The following AGMO variants were observed in gnomAD, a reference collection of about 807,000 sequenced individuals.
AGMO encodes the protein alkylglycerol monooxygenase.
In AGMO, 75 loss-of-function variants were observed where a neutral mutation model predicts 60.2. That is an observed-to-expected ratio of 1.25 (90% confidence interval 1.03 to 1.51). The LOEUF (loss-of-function observed/expected upper bound fraction) is 1.51. Ranked by LOEUF, AGMO falls within the 40% of genes most tolerant of loss-of-function variation. The probability of loss-of-function intolerance (pLI) is 0.00; values close to 1 mark genes in which losing one functional copy is unlikely to be tolerated. For missense variants in AGMO, 763 were observed against 525.5 expected, an observed-to-expected ratio of 1.45 and a Z score of -4.42; for synonymous variants, 261 against 177.1, an observed-to-expected ratio of 1.47 and a Z score of -3.76.
chr7:15,395,494 G>A lies in AGMO; in HGVS notation c.610-1315C>T, dbSNP rs866739836. ...TAATAGGAAAAAATATTTTCATTGG[G>A]AGTTATAATAACATTGTCATTTTGT... On this transcript the variant is annotated intron_variant, in intron 5 of 12. Transcript: ENST00000342526. Among the ~76,000 whole-genome samples, 5 of 152,028 alleles carry A rather than the reference G, an allele frequency of 3.3e-5. No individual in the cohort carries two copies. The South Asian group carries it at 1.0e-3, about 32-fold the overall frequency.
chr7:15,487,576 T>A (rs968273127), intron 3 of AGMO, among the ~76,000 whole-genome samples: 4 of 152,164 alleles, frequency 2.6e-5, no homozygotes, highest in Non-Finnish European at 4.4e-5. Flanking sequence ...TATTTTAAAA[T>A]ACGTATGTTT....
intron 12 of AGMO, among the ~76,000 whole-genome samples, chr7:15,346,185 C>T (rs949049870): frequency 6.6e-6 from 1 of 152,100 alleles, no homozygotes; most frequent in African/African-American, 2.4e-5. Flanking sequence ...TCTCAAACTG[C>T]ATATACAGTA....
At chr7:15,462,860 G>A (rs1431266300) in intron 3 of AGMO, among the ~76,000 whole-genome samples, 1 of 152,120 alleles carries the variant, frequency 6.6e-6, no homozygotes, top group South Asian at 2.1e-4. Flanking sequence ...ACTCATGTCT[G>A]CCCTAAAAGT....
intron 3 of AGMO, among the ~76,000 whole-genome samples, chr7:15,507,121 T>A (rs1296065894): frequency 2.6e-5 from 4 of 152,026 alleles, no homozygotes; most frequent in Non-Finnish European, 5.9e-5. Context: ...AAGGATTTTA[T>A]ATGCAGCCAT....
chr7:15,146,723 G>T, the AGMO span, among the ~76,000 whole-genome samples: 1 of 152,218 alleles, frequency 6.6e-6, no homozygotes, highest in African/African-American at 2.4e-5. Flanking sequence ...TTTCTTTTTG[G>T]AGGACAAATG....
At chr7:15,557,536 G>C (rs1785178725) in intron 2 of AGMO, among the ~76,000 whole-genome samples, 1 of 151,834 alleles carries the variant, frequency 6.6e-6, no homozygotes, top group Admixed American at 6.6e-5. Context: ...TCTGAAAGGG[G>C]ATTGAGAGGA....
chr7:15,144,176 GT>G, the AGMO span, among the ~76,000 whole-genome samples: 18 of 151,896 alleles, frequency 1.2e-4, no homozygotes, highest in Non-Finnish European at 7.4e-5. Flanking sequence ...GATTCTGTGG[GT>G]TTTTTTTCTT....
chr7:15,322,567 TATATATAAATATATATAA>T lies in AGMO; in HGVS notation c.1263+42929_1263+42946del, dbSNP rs1563086337. 2.5e-4 allele frequency among the ~76,000 whole-genome samples: 10 copies of T among 40,034 alleles called. 1 individual carries two copies. The highest frequency in any genetic ancestry group is 1.9e-3 in the East Asian group (3 of 1,590). 26.3% of individuals were successfully genotyped at this position (40,034 alleles called of 152,430 possible). ...ATATAAATATATATAAATATATAAA[TATATATAAATATATATAA>T]ATATATAAATATATATAAATATATA... On this transcript the variant is annotated intron_variant, in intron 12 of 12. Coordinates refer to ENST00000342526, the MANE Select transcript of AGMO (RefSeq NM_001004320.2).
At chr7:15,537,271 G>A (rs1028067035) in intron 3 of AGMO, among the ~76,000 whole-genome samples, 4 of 151,958 alleles carry the variant, frequency 2.6e-5, no homozygotes, top group South Asian at 2.1e-4. Flanking sequence ...AGTAAAATAC[G>A]TAAAATCTAT....
intron 8 of AGMO, among the ~76,000 whole-genome samples, chr7:15,388,757 G>A (rs1272038860): frequency 6.6e-6 from 1 of 152,150 alleles, no homozygotes; most frequent in Non-Finnish European, 1.5e-5. Flanking sequence ...AAATTTACCT[G>A]TATATAAAGG....
At chr7:15,371,239 AAC>A (rs1242515051) in intron 10 of AGMO, among the ~76,000 whole-genome samples, 3 of 152,140 alleles carry the variant, frequency 2.0e-5, no homozygotes, top group Non-Finnish European at 4.4e-5. Flanking sequence ...TTATTTTTGA[AAC>A]AGAGTTTTAC....
intron 12 of AGMO, among the ~76,000 whole-genome samples, chr7:15,283,789 A>G (rs1344822069): frequency 6.6e-6 from 1 of 152,018 alleles, no homozygotes; most frequent in Non-Finnish European, 1.5e-5. Flanking sequence ...TTCTTTCACC[A>G]GTACATGGAG....
chr7:15,170,730 A>G, the AGMO span, among the ~76,000 whole-genome samples: 1 of 152,146 alleles, frequency 6.6e-6, no homozygotes, highest in East Asian at 1.9e-4. Flanking sequence ...CTGTATTCAT[A>G]TCACCTTAGT....
intron 12 of AGMO, among the ~76,000 whole-genome samples, chr7:15,350,507 T>C (rs1369260761): frequency 1.3e-5 from 2 of 152,132 alleles, no homozygotes; most frequent in South Asian, 2.1e-4. Flanking sequence ...TTTTCTCTTA[T>C]ATTTAGAGAG....
At chr7:15,342,568 A>T (rs1781889135) in intron 12 of AGMO, among the ~76,000 whole-genome samples, 1 of 151,914 alleles carries the variant, frequency 6.6e-6, no homozygotes, top group African/African-American at 2.4e-5. Flanking sequence ...CATTTTCTTC[A>T]AGGTTTTAGC....
At chr7:15,425,043 A>G (rs1344368456) in intron 4 of AGMO, among the ~76,000 whole-genome samples, 1 of 152,224 alleles carries the variant, frequency 6.6e-6, no homozygotes, top group Non-Finnish European at 1.5e-5. Flanking sequence ...TAAAAATAAT[A>G]TCACACATAA....
chr7:15,369,562 T>C (rs763846792), intron 10 of AGMO, among the ~76,000 whole-genome samples: 2 of 152,130 alleles, frequency 1.3e-5, no homozygotes, highest in Admixed American at 6.6e-5. Flanking sequence ...CATTCAGGTC[T>C]CTATTCAAAT....
chr7:15,448,749 A>C (rs1384503200), intron 3 of AGMO, among the ~76,000 whole-genome samples: 1 of 152,210 alleles, frequency 6.6e-6, no homozygotes, highest in Admixed American at 6.5e-5. Context: ...AAGAAAGAGT[A>C]AAGACTGAAA....
At chr7:15,305,539 T>A (rs1354680968) in intron 12 of AGMO, among the ~76,000 whole-genome samples, 2 of 152,014 alleles carry the variant, frequency 1.3e-5, no homozygotes, top group African/African-American at 2.4e-5. Context: ...TTACTTCCTG[T>A]GAGTCGAATG....
Sources: allele counts gnomAD v4.1 joint callset (sites outside exome capture counted in the v4.1 genomes callset), GRCh38; gene constraint gnomAD v4.1.1; transcripts MANE v1.5; gene names NCBI Gene and HGNC (gene_info 2026-07-23, HGNC 2026-07-21).